Variants in EPB42 observed in about 807,000 individuals in gnomAD.
The protein encoded by EPB42 is protein 4.2.
Under a neutral mutation model 76.9 loss-of-function variants are expected in EPB42, and 49 were observed. The ratio of observed to expected loss-of-function variants is 0.64; its 90% CI spans 0.51 to 0.81. The LOEUF is 0.81. Among genes scored for constraint, EPB42 ranks in the 30% least tolerant of loss-of-function variants. The pLI, the probability that EPB42 is intolerant of heterozygous loss-of-function variation, is 0.00. For missense variants in EPB42, 731 were observed against 867.6 expected (o/e 0.84, Z 1.98); for synonymous variants, 310 against 338.4 (o/e 0.92, Z 0.92).
At chr15:43,224,192 G>A (rs527319856), upstream of EPB42, among the ~76,000 whole-genome samples, 1 of 152,282 alleles carries the variant, frequency 6.6e-6, no homozygotes, top group East Asian at 1.9e-4. Context: ...TGTCCACGCG[G>A]AAAGAGAAAG....
chr15:43,201,304 C>G (rs908334064), intron 12 of EPB42, among the ~76,000 whole-genome samples: 7 of 151,980 alleles, frequency 4.6e-5, no homozygotes, highest in Non-Finnish European at 1.0e-4. Context: ...TAACATAGTT[C>G]TGAGTGAAAA....
intron 7 of EPB42, 70 bp from the exon 8 acceptor site, chr15:43,208,403 C>T: frequency 6.6e-7 from 1 of 1,525,742 alleles, no homozygotes; most frequent in South Asian, 1.1e-5. Context: ...GGAAATGCAG[C>T]CTGGCAGAGC....
At chr15:43,201,544 C>G (rs1461700855) in intron 12 of EPB42, among the ~76,000 whole-genome samples, 45 of 152,194 alleles carry the variant, frequency 3.0e-4, no homozygotes, top group Non-Finnish European at 5.9e-5. Flanking sequence ...CTCCAATACC[C>G]AGCCCTAATG....
chr15:43,201,158 G>A (rs1232556526), intron 12 of EPB42, among the ~76,000 whole-genome samples: 7 of 152,190 alleles, frequency 4.6e-5, no homozygotes, highest in Non-Finnish European at 7.3e-5. Context: ...GTGTGAGGAT[G>A]TGCACTGCAA....
At chr15:43,222,375 T>C (rs1203101225), upstream of EPB42, among the ~76,000 whole-genome samples, 1 of 152,096 alleles carries the variant, frequency 6.6e-6, no homozygotes, top group African/African-American at 2.4e-5. Flanking sequence ...AAAGGTGAAA[T>C]TTCTAGAAAT....
chr15:43,203,029 C>T (rs1337980377), intron 11 of EPB42, 86 bp downstream of exon 11: 8 of 1,528,232 alleles, frequency 5.2e-6, no homozygotes, highest in Non-Finnish European at 7.3e-6. Context: ...GCACAGTCAT[C>T]TGCTCTGAAG....
At chr15:43,197,913 A>G (rs2042068363) in intron 12 of EPB42, among the ~76,000 whole-genome samples, 1 of 152,176 alleles carries the variant, frequency 6.6e-6, no homozygotes, top group South Asian at 2.1e-4. Flanking sequence ...GTGATAGTGA[A>G]TAAGTCTCAG....
chr15:43,208,823 TG>T, intron 6 of EPB42, 48 bp from the exon 7 acceptor site: 1 of 1,592,796 alleles, frequency 6.3e-7, no homozygotes, highest in Non-Finnish European at 8.6e-7. Context: ...GAGACCGGGC[TG>T]GGGGCGTGTG....
At chr15:43,197,514 C>G in intron 12 of EPB42, 50 bp from the exon 13 acceptor site, 1 of 1,608,604 alleles carries the variant, frequency 6.2e-7, no homozygotes, top group Non-Finnish European at 8.5e-7. Context: ...GTTCATTGCT[C>G]TGCTGGTCCC....
chr15:43,201,114 C>A (rs771003779), intron 12 of EPB42, among the ~76,000 whole-genome samples: 1 of 152,162 alleles, frequency 6.6e-6, no homozygotes, highest in Non-Finnish European at 1.5e-5. Context: ...CGGGCCTGGC[C>A]ACCAAATTTT....
intron 12 of EPB42, among the ~76,000 whole-genome samples, chr15:43,198,549 T>C (rs1259265802): frequency 6.6e-6 from 1 of 152,144 alleles, no homozygotes; most frequent in Non-Finnish European, 1.5e-5. Flanking sequence ...TTCAGTTTTA[T>C]AAAGGAAGCA....
At chr15:43,209,684 A>G in intron 5 of EPB42, 1 of 510,944 alleles carries the variant, frequency 2.0e-6, no homozygotes, top group African/African-American at 1.9e-5. Context: ...CTCTGGCTCC[A>G]GCCACAAAGA....
In EPB42 at chr15:43,206,362, T is replaced by A. The variant is rs2042204605; in HGVS notation, c.1586A>T (p.Lys529Met). 1 of 1,612,876 alleles carries A rather than the reference T, an allele frequency of 6.2e-7. No homozygotes were observed. Among genetic ancestry groups the A allele is most frequent in the Non-Finnish European group, 8.5e-7 (1 of 1,178,956 alleles). Residue 529 changes from lysine (K) to methionine (M), a missense_variant, in exon 10 of 13, where the codon AAG becomes ATG. By Grantham distance (95) the Lys-to-Met change is moderately conservative. Coordinates refer to ENST00000441366, the MANE Select transcript of EPB42 (RefSeq NM_001114134.2). The surrounding 1 kb of genome is among the most constrained non-coding windows in gnomAD (Gnocchi z 4.7). The stretch of plus-strand genomic sequence containing the variant: ...GGCACTGAGCGTGAGGTGCAGCTTC[T>A]TCCTCCAGAGCTTGGCAGCAAGGAC... Reference protein sequence around the residue: ...NGVLAAKLWRKKLHLTLSANL... With the variant: ...NGVLAAKLWRMKLHLTLSANL...
At chr15:43,202,043 T>A in intron 11 of EPB42, 66 bp from the exon 12 acceptor site, 1 of 1,609,438 alleles carries the variant, frequency 6.2e-7, no homozygotes, top group Non-Finnish European at 8.5e-7. Context: ...TCTCCTCCCA[T>A]GCACCCCTGT....
chr15:43,210,591 C>A, intron 4 of EPB42, 152 bp from the exon 5 acceptor site: 1 of 729,730 alleles, frequency 1.4e-6, no homozygotes, highest in Non-Finnish European at 2.4e-6. Flanking sequence ...TGCCTCATCC[C>A]TCTGAGGAGC....
chr15:43,215,180 G>T lies in EPB42; in HGVS notation c.345C>A (p.Gly115=). The part of the protein sequence containing the change: ...SVTTPADAVI[G]HYSLLLQVSG... ...AGACCTGCAGCAGAAGCGAGTAGTG[G>T]CCAATGACAGCGTCCGCAGGTGTGG... Residue 115 remains glycine, a synonymous_variant, in exon 3 of 13, where the codon GGC becomes GGA. Coordinates refer to ENST00000441366, the MANE Select transcript of EPB42 (RefSeq NM_001114134.2). 1 of 1,614,220 alleles carries T rather than the reference G, an allele frequency of 6.2e-7. No homozygotes were observed. The highest frequency in any genetic ancestry group is 1.7e-5 in the Admixed American group (1 of 60,026).
In EPB42 at chr15:43,220,653, C is replaced by G. The variant is rs546531258; in HGVS notation, c.10+163G>C. ...CTACCAGCACCCACCTACCACACCC[C>G]CCCCCCACAGCCACCTCATTATCAC... On this transcript the variant is annotated intron_variant, in intron 1 of 12. Coordinates refer to ENST00000441366, the MANE Select transcript of EPB42 (RefSeq NM_001114134.2). The G allele has an allele frequency of 2.0e-5, 19 of 943,518 alleles. 3 individuals are homozygous for G. Among genetic ancestry groups the G allele is most frequent in the South Asian group, 4.1e-5 (3 of 72,722 alleles). The allele number at this position is 943,518 out of a possible 1,614,324, so 58.4% of individuals were successfully genotyped here.
intron 2 of EPB42, among the ~76,000 whole-genome samples, chr15:43,215,531 A>C (rs2042365188): frequency 6.6e-6 from 1 of 152,260 alleles, no homozygotes; most frequent in Non-Finnish European, 1.5e-5. Context: ...ATCACAGTCT[A>C]TAAAATGGGC....
rs1314928601 is a variant in EPB42 at position 43,208,623 on chromosome 15, C to G, written c.971+14G>C. ...CTTCCTGGACTGGAACCTCATCTCC[C>G]TTGGGCTTCTCACCAGATTCTGCCT... is the stretch of plus-strand genomic sequence containing the variant. On this transcript the variant is annotated intron_variant, in intron 7 of 12. Coordinates refer to ENST00000441366, the MANE Select transcript of EPB42 (RefSeq NM_001114134.2). 5 of 1,613,928 alleles carry G rather than the reference C, an allele frequency of 3.1e-6. No homozygotes were observed. The African/African-American group carries it at 5.3e-5, about 17-fold the overall frequency.
Sources: gnomAD v4.1 joint callset for allele counts (sites outside exome capture counted in the v4.1 genomes callset) on GRCh38, gnomAD v4.1.1 for gene constraint, Gnocchi (gnomAD v3.1) non-coding constraint, MANE v1.5 for transcripts, NCBI Gene and HGNC (gene_info 2026-07-23, HGNC 2026-07-21) for gene names.